Variants in KHDRBS2 observed in about 807,000 individuals in gnomAD.
KHDRBS2 encodes KH RNA binding domain containing, signal transduction associated 2.
KHDRBS2 carries 26 observed loss-of-function variants against 44.3 expected under a neutral mutation model. The ratio of observed to expected loss-of-function variants is 0.59; its 90% CI spans 0.43 to 0.81. The LOEUF (loss-of-function observed/expected upper bound fraction) is 0.81, where lower values mean the gene tolerates loss of function less well. Ranked by LOEUF, KHDRBS2 falls within the 40% of genes least tolerant of loss-of-function variation. The probability of loss-of-function intolerance (pLI) is 0.00; values close to 1 mark genes in which losing one functional copy is unlikely to be tolerated. For missense variants in KHDRBS2, 476 were observed against 433.1 expected (o/e 1.10, Z -0.88); for synonymous variants, 194 against 151.1 (o/e 1.28, Z -2.08).
rs1554292162 is a variant in KHDRBS2 at position 61,955,546 on chromosome 6, A to ATGCG, written c.483+22519_483+22520insCGCA. On this transcript the variant is annotated intron_variant, in intron 4 of 8. Transcript: ENST00000281156. ...TATGTATACATGTGTATATATACAC[A>ATGCG]TATGTATGTATACATGTGTATATAT... Among the ~76,000 whole-genome samples, 2 of 22,964 alleles carry ATGCG rather than the reference A, an allele frequency of 8.7e-5. 1 individual carries two copies. The highest frequency in any genetic ancestry group is 2.1e-4 in the Non-Finnish European group (2 of 9,690). 15.1% of individuals were successfully genotyped at this position (22,964 alleles called of 152,430 possible). A position where few individuals can be genotyped will look rare whatever the true frequency, so the allele number is the denominator to read the frequency against.
chr6:61,687,744 AGT>A (rs1460468867), intron 8 of KHDRBS2, among the ~76,000 whole-genome samples: 165 of 151,926 alleles, frequency 1.1e-3, no homozygotes, highest in African/African-American at 3.9e-3. Flanking sequence ...GCCTAAGCTT[AGT>A]TGGTTTGAAT....
chr6:61,902,264 TA>T (rs1804196381), intron 4 of KHDRBS2, among the ~76,000 whole-genome samples: 1 of 152,150 alleles, frequency 6.6e-6, no homozygotes, highest in Admixed American at 6.6e-5. Context: ...GTGAAATATT[TA>T]AACACAACAA....
At chr6:61,746,276 TTAAG>T (rs1314941532) in intron 6 of KHDRBS2, among the ~76,000 whole-genome samples, 3 of 152,026 alleles carry the variant, frequency 2.0e-5, no homozygotes, top group Non-Finnish European at 4.4e-5. Context: ...CTCGCATGCA[TTAAG>T]TATTTGTCCT....
intron 6 of KHDRBS2, among the ~76,000 whole-genome samples, chr6:61,826,028 T>A (rs1376954091): frequency 6.6e-6 from 1 of 152,172 alleles, no homozygotes; most frequent in Non-Finnish European, 1.5e-5. Flanking sequence ...ATTCTTAACC[T>A]GACAACATAG....
intron 1 of KHDRBS2, among the ~76,000 whole-genome samples, chr6:62,237,559 C>T (rs773848095): frequency 3.0e-4 from 45 of 152,238 alleles, no homozygotes; most frequent in Non-Finnish European, 5.7e-4. Flanking sequence ...AATGTCTGAA[C>T]ACTTTAGAAG....
chr6:62,273,336 G>A (rs1194115923), intron 1 of KHDRBS2, among the ~76,000 whole-genome samples: 3 of 152,102 alleles, frequency 2.0e-5, no homozygotes, highest in Non-Finnish European at 2.9e-5. Flanking sequence ...TCAACTTGCA[G>A]AAATAAGGGA....
chr6:62,268,697 T>A (rs946401737), intron 1 of KHDRBS2, among the ~76,000 whole-genome samples: 4 of 152,020 alleles, frequency 2.6e-5, no homozygotes, highest in African/African-American at 4.8e-5. Context: ...AAATGTTTCC[T>A]CAATTTTTTT....
the KHDRBS2 span, among the ~76,000 whole-genome samples, chr6:61,550,334 T>A: frequency 2.8e-4 from 42 of 152,270 alleles, no homozygotes; most frequent in Admixed American, 1.3e-3. Flanking sequence ...TAGGATACTA[T>A]CGTCCAGTTC....
intron 4 of KHDRBS2, among the ~76,000 whole-genome samples, chr6:61,935,951 T>C (rs1810938964): frequency 6.6e-6 from 1 of 152,104 alleles, no homozygotes; most frequent in Non-Finnish European, 1.5e-5. Context: ...TTCAATACCA[T>C]TTTATGTCCT....
At chr6:61,652,056 T>A in the KHDRBS2 span, among the ~76,000 whole-genome samples, 1 of 152,122 alleles carries the variant, frequency 6.6e-6, no homozygotes, top group African/African-American at 2.4e-5. Flanking sequence ...ATAAGACATG[T>A]TATAAACCTA....
chr6:62,208,307 A>G (rs1321392748), intron 1 of KHDRBS2, among the ~76,000 whole-genome samples: 1 of 152,098 alleles, frequency 6.6e-6, no homozygotes, highest in Non-Finnish European at 1.5e-5. Context: ...ATAGTGCGCT[A>G]CAGTCCTGAA....
chr6:61,735,357 T>C (rs1775172291), intron 6 of KHDRBS2, among the ~76,000 whole-genome samples: 1 of 151,858 alleles, frequency 6.6e-6, no homozygotes, highest in South Asian at 2.1e-4. Flanking sequence ...TGTAGGGACA[T>C]TCTTCTACAT....
chr6:61,584,761 G>A, the KHDRBS2 span, among the ~76,000 whole-genome samples: 1 of 151,762 alleles, frequency 6.6e-6, no homozygotes, highest in Non-Finnish European at 1.5e-5. Context: ...TTGACCCTTA[G>A]TGAACAGAAT....
chr6:61,972,304 G>T (rs912667056), intron 4 of KHDRBS2, among the ~76,000 whole-genome samples: 47 of 152,092 alleles, frequency 3.1e-4, no homozygotes, highest in African/African-American at 1.1e-3. Flanking sequence ...AAGAATTTTA[G>T]TTTTGTTCTA....
intron 2 of KHDRBS2, among the ~76,000 whole-genome samples, chr6:62,146,612 C>T (rs1813998043): frequency 6.6e-6 from 1 of 151,722 alleles, no homozygotes; most frequent in Non-Finnish European, 1.5e-5. Flanking sequence ...AATCTTACTG[C>T]CAAGGTCTCT....
intron 6 of KHDRBS2, among the ~76,000 whole-genome samples, chr6:61,889,445 G>A (rs1383236048): frequency 6.6e-6 from 1 of 152,146 alleles, no homozygotes; most frequent in African/African-American, 2.4e-5. Flanking sequence ...TAACCCAGTC[G>A]TTCAGTCTAA....
intron 2 of KHDRBS2, among the ~76,000 whole-genome samples, chr6:62,163,389 C>T (rs1450628071): frequency 6.6e-6 from 1 of 151,994 alleles, no homozygotes; most frequent in African/African-American, 2.4e-5. Flanking sequence ...AATATTAGAT[C>T]CAACTGGTTT....
intron 1 of KHDRBS2, among the ~76,000 whole-genome samples, chr6:62,263,799 G>C (rs1838751489): frequency 6.6e-6 from 1 of 151,620 alleles, no homozygotes; most frequent in Non-Finnish European, 1.5e-5. Context: ...TGACACACTG[G>C]TTTTACATCC....
At chr6:62,008,293 C>A (rs1372727398) in intron 3 of KHDRBS2, among the ~76,000 whole-genome samples, 1 of 151,922 alleles carries the variant, frequency 6.6e-6, no homozygotes, top group Non-Finnish European at 1.5e-5. Flanking sequence ...TAAACCTAAA[C>A]AAAAGACTCT....
Sources: allele counts gnomAD v4.1 joint callset (sites outside exome capture counted in the v4.1 genomes callset), GRCh38; gene constraint gnomAD v4.1.1; transcripts MANE v1.5; gene names NCBI Gene and HGNC (gene_info 2026-07-23, HGNC 2026-07-21).